LRRTM3: variants seen among roughly 807,000 people sequenced by gnomAD.
LRRTM3 encodes the protein leucine-rich repeat transmembrane neuronal protein 3.
Under a neutral mutation model 44.7 loss-of-function variants are expected in LRRTM3, and 24 were observed. That is an observed-to-expected ratio of 0.54 (90% CI 0.39 to 0.76). The LOEUF (loss-of-function observed/expected upper bound fraction) is 0.76. Ranked by LOEUF, LRRTM3 falls within the 30% of genes least tolerant of loss-of-function variation. The pLI, the probability that LRRTM3 is intolerant of heterozygous loss-of-function variation, is 0.00. For synonymous variants in LRRTM3, 277 were observed against 278.7 expected (o/e 0.99, Z 0.06); for missense variants, 587 against 702.2 (o/e 0.84, Z 1.85).
At chr10:67,039,357 T>A (rs77646741) in intron 2 of LRRTM3, among the ~76,000 whole-genome samples, 1 of 152,182 alleles carries the variant, frequency 6.6e-6, no homozygotes, top group Admixed American at 6.6e-5. Context: ...AAGTTTTTTC[T>A]GGAGACAAAC....
intron 2 of LRRTM3, among the ~76,000 whole-genome samples, chr10:67,086,363 T>C (rs1350390173): frequency 6.6e-6 from 1 of 152,020 alleles, no homozygotes. Flanking sequence ...TCACTTCATT[T>C]AGTTGGGAGA....
intron 2 of LRRTM3, among the ~76,000 whole-genome samples, chr10:66,998,297 T>C (rs1851471459): frequency 6.6e-6 from 1 of 152,188 alleles, no homozygotes; most frequent in Non-Finnish European, 1.5e-5. Context: ...ACTGTTGTTT[T>C]AGTACTAGTT....
At chr10:66,965,217 C>T (rs1313948548) in intron 2 of LRRTM3, among the ~76,000 whole-genome samples, 1 of 151,716 alleles carries the variant, frequency 6.6e-6, no homozygotes, top group Non-Finnish European at 1.5e-5. Flanking sequence ...GTTTAAAAAG[C>T]TGGGTTTTTT....
In LRRTM3 at chr10:66,928,862, A is replaced by C. The variant is rs566217572; in HGVS notation, c.1536+410A>C. On this transcript the variant is annotated intron_variant, in intron 2 of 2. Coordinates refer to ENST00000361320, the MANE Select transcript of LRRTM3 (RefSeq NM_178011.5). ...TGCACCTCACTGGCAAATCAAGGAA[A>C]GAGGTGAATGATTCCAGGTGCTCGG... Among the ~76,000 whole-genome samples the C allele has an allele frequency of 3.7e-4, 56 of 152,356 alleles. No homozygotes were observed. In the East Asian group the frequency reaches 0.011, roughly 29 times the overall value.
At chr10:66,999,822 A>G (rs1486505790) in intron 2 of LRRTM3, among the ~76,000 whole-genome samples, 1 of 152,178 alleles carries the variant, frequency 6.6e-6, no homozygotes, top group East Asian at 1.9e-4. Context: ...TCTGATTTGT[A>G]TACTAATTCT....
At chr10:66,999,143 CTTTTA>C (rs940754695) in intron 2 of LRRTM3, among the ~76,000 whole-genome samples, 2 of 152,012 alleles carry the variant, frequency 1.3e-5, no homozygotes, top group African/African-American at 4.8e-5. Context: ...ATTTGTACTA[CTTTTA>C]TTTATCATTT....
At chr10:67,062,280 T>C (rs1353921898) in intron 2 of LRRTM3, among the ~76,000 whole-genome samples, 1 of 152,198 alleles carries the variant, frequency 6.6e-6, no homozygotes, top group Non-Finnish European at 1.5e-5. Flanking sequence ...TTGTAACTTA[T>C]AGCATATAAG....
At chr10:66,988,539 T>C (rs1406143950) in intron 2 of LRRTM3, among the ~76,000 whole-genome samples, 1 of 152,190 alleles carries the variant, frequency 6.6e-6, no homozygotes, top group East Asian at 1.9e-4. Flanking sequence ...TTGACAATTT[T>C]ATTCTGAATT....
At position 67,086,730 on chromosome 10, in the gene LRRTM3, A is replaced by G. The variant is rs575149761; in HGVS notation, c.1537-10857A>G. Among the ~76,000 whole-genome samples the G allele has an allele frequency of 3.9e-5, 6 of 152,128 alleles. No individual in the cohort carries two copies. The South Asian group carries it at 1.2e-3, about 32-fold the overall frequency. On this transcript the variant is annotated intron_variant, in intron 2 of 2. Coordinates refer to ENST00000361320, the MANE Select transcript of LRRTM3 (RefSeq NM_178011.5). ...TATATAGAGCCTCTCTGTGAGACCA[A>G]AATACCCTATCAGTCATAGATATGG...
chr10:67,005,682 C>CTTTTTTTTTTTTT (rs11369576), intron 2 of LRRTM3, among the ~76,000 whole-genome samples: 5,283 of 61,632 alleles, frequency 0.086, 1,702 homozygotes, highest in Admixed American at 0.11. Context: ...TTTACTCCAT[C>CTTTTTTTTTTTTT]TTTTTTTTTT....
intron 2 of LRRTM3, among the ~76,000 whole-genome samples, chr10:66,954,769 T>C (rs1412563549): frequency 1.3e-5 from 2 of 152,152 alleles, no homozygotes; most frequent in African/African-American, 4.8e-5. Context: ...CTGCTACTTT[T>C]TCTTTTTTAA....
At chr10:66,972,077 TGA>T (rs1438834959) in intron 2 of LRRTM3, among the ~76,000 whole-genome samples, 4 of 152,210 alleles carry the variant, frequency 2.6e-5, no homozygotes, top group African/African-American at 4.8e-5. Flanking sequence ...TACACTCCAC[TGA>T]GCTTTTAAGC....
chr10:66,955,230 T>C (rs2132739428), intron 2 of LRRTM3, among the ~76,000 whole-genome samples: 1 of 151,870 alleles, frequency 6.6e-6, no homozygotes, highest in East Asian at 1.9e-4. Context: ...GACAGGAAAA[T>C]GGATGTTATA....
In LRRTM3 at chr10:67,097,949, A is replaced by C. The variant is rs1420451454; in HGVS notation, c.*153A>C. ...AAATCCAAGATTGATTCATGAAATAAAGAAGACATGAATTGTTTTAAGTCT... is the reference window on the plus strand; with the variant it reads ...AAATCCAAGATTGATTCATGAAATACAGAAGACATGAATTGTTTTAAGTCT... On this transcript the variant is annotated 3_prime_UTR_variant, in exon 3 of 3. Transcript: ENST00000361320. The C allele has an allele frequency of 9.1e-6, 6 of 660,354 alleles. No individual in the cohort carries two copies. Among genetic ancestry groups the C allele is most frequent in the Non-Finnish European group, 5.2e-6 (2 of 388,010 alleles). 40.9% of individuals were successfully genotyped at this position (660,354 alleles called of 1,614,324 possible). A position where few individuals can be genotyped will look rare whatever the true frequency, so the allele number is the denominator to read the frequency against.
At chr10:66,971,892 A>C (rs932966792) in intron 2 of LRRTM3, among the ~76,000 whole-genome samples, 1 of 151,990 alleles carries the variant, frequency 6.6e-6, no homozygotes, top group Admixed American at 6.6e-5. Context: ...ACAAGGTCAG[A>C]GCATATTCTT....
At chr10:66,945,606 C>G (rs1301162967) in intron 2 of LRRTM3, among the ~76,000 whole-genome samples, 5 of 152,150 alleles carry the variant, frequency 3.3e-5, no homozygotes, top group Non-Finnish European at 7.4e-5. Context: ...TCATTTTCTT[C>G]AAGAACTTTT....
At chr10:67,066,816 A>T (rs952945363) in intron 2 of LRRTM3, among the ~76,000 whole-genome samples, 16 of 152,214 alleles carry the variant, frequency 1.1e-4, no homozygotes, top group African/African-American at 3.6e-4. Context: ...CTTACCATCT[A>T]GCAGAAGGAA....
chr10:67,045,624 A>G (rs1589655292), intron 2 of LRRTM3, among the ~76,000 whole-genome samples: 2 of 152,070 alleles, frequency 1.3e-5, no homozygotes, highest in Admixed American at 6.5e-5. Flanking sequence ...TTGCGGCCAG[A>G]CCCCGTTTCC....
chr10:67,062,328 C>CTT (rs981263815), intron 2 of LRRTM3, among the ~76,000 whole-genome samples: 1 of 152,160 alleles, frequency 6.6e-6, no homozygotes, highest in African/African-American at 2.4e-5. Context: ...AATGTCTTCT[C>CTT]TTCTGTACAT....
Sources: allele counts gnomAD v4.1 joint callset (sites outside exome capture counted in the v4.1 genomes callset), GRCh38; gene constraint gnomAD v4.1.1; transcripts MANE v1.5; gene names NCBI Gene and HGNC (gene_info 2026-07-23, HGNC 2026-07-21).